The following NPAS3 variants were observed in gnomAD, a reference collection of about 807,000 sequenced individuals.
NPAS3 encodes the protein neuronal PAS domain-containing protein 3.
NPAS3 carries 14 observed loss-of-function variants against 73.1 expected under a neutral mutation model. That is an observed-to-expected ratio of 0.19 (90% CI 0.13 to 0.30). The LOEUF is 0.30. Ranked by LOEUF, NPAS3 falls within the 10% of genes least tolerant of loss-of-function variation. NPAS3 has a pLI of 1.00. For synonymous variants in NPAS3, 620 were observed against 541.5 expected (o/e 1.14, Z -2.01); for missense variants, 1,096 against 1,250.0 (o/e 0.88, Z 1.86).
Position 33,800,255 on chromosome 14 carries a change from A to G in NPAS3, c.1948A>G (p.Thr650Ala), listed in dbSNP as rs776577775. 1.2e-6 allele frequency: 2 copies of G among 1,613,318 alleles called. No individual in the cohort carries two copies. Among genetic ancestry groups the G allele is most frequent in the Non-Finnish European group, 8.5e-7 (1 of 1,179,668 alleles). The stretch of plus-strand genomic sequence containing the variant: ...CAGTGCCTCGGTGCTCAAGATCAAG[A>G]CGGAGATCTCAGAACCCATCAATTT... Residue 650 changes from threonine to alanine, a missense_variant, in exon 12 of 12, where the codon ACG becomes GCG. Physicochemically the swap from Thr to Ala is moderately conservative, Grantham distance 58. Coordinates refer to ENST00000356141, the Ensembl canonical transcript of NPAS3. This position sits in a 1 kb window ranked among gnomAD's most constrained non-coding sequence, Gnocchi z 6.5.
At chr14:33,745,410 G>A (rs2061762814) in intron 7 of NPAS3, among the ~76,000 whole-genome samples, 1 of 152,222 alleles carries the variant, frequency 6.6e-6, no homozygotes, top group Admixed American at 6.5e-5. Context: ...ACTTAGTCCT[G>A]CATTCCTGGG....
chr14:33,747,372 A>T (rs768946026), intron 7 of NPAS3, among the ~76,000 whole-genome samples: 4 of 152,226 alleles, frequency 2.6e-5, no homozygotes, highest in Non-Finnish European at 5.9e-5. Context: ...CTACTGACTC[A>T]TTCTAAGTAA....
chr14:33,416,522 AATTAAAACATAGAC>A (rs552562660), intron 4 of NPAS3, among the ~76,000 whole-genome samples: 276 of 152,148 alleles, frequency 1.8e-3, no homozygotes, highest in African/African-American at 6.4e-3. Flanking sequence ...GTCTTTGAAT[AATTAAAACATAGAC>A]ATTAAAACAT....
Position 33,800,464 on chromosome 14 carries a change from C to G in NPAS3, c.2157C>G (p.Pro719=), listed in dbSNP as rs747234419. ...TTCCCGACTCGGTCCTCACCCCGCC[C>G]GGCGCCGACGGCGCGGCCGCCCGCA... The change falls in exon 12 of 12, where the codon CCC becomes CCG. Residue 719 remains proline, a synonymous_variant. Transcript: ENST00000356141. This position sits in a 1 kb window ranked among gnomAD's most constrained non-coding sequence, Gnocchi z 6.5. 2.7e-6 allele frequency: 4 copies of G among 1,495,748 alleles called. No individual in the cohort carries two copies. The Admixed American group carries it at 7.6e-5, about 28-fold the overall frequency. 92.7% of individuals were successfully genotyped at this position (1,495,748 alleles called of 1,614,324 possible). A position where few individuals can be genotyped will look rare whatever the true frequency, so the allele number is the denominator to read the frequency against.
intron 6 of NPAS3, among the ~76,000 whole-genome samples, chr14:33,731,612 G>A (rs1361308617): frequency 6.6e-6 from 1 of 152,062 alleles, no homozygotes; most frequent in African/African-American, 2.4e-5. Flanking sequence ...ACCGCCTCCT[G>A]CCCCTACATA....
At chr14:33,441,429 G>A (rs2049243600) in intron 4 of NPAS3, among the ~76,000 whole-genome samples, 1 of 152,136 alleles carries the variant, frequency 6.6e-6, no homozygotes, top group African/African-American at 2.4e-5. Flanking sequence ...TAAAATTTCA[G>A]ATTATCCAGT....
chr14:33,139,814 A>C (rs1464034582), intron 2 of NPAS3, among the ~76,000 whole-genome samples: 1 of 152,214 alleles, frequency 6.6e-6, no homozygotes, highest in Non-Finnish European at 1.5e-5. Context: ...TGCAGATCGT[A>C]GAACACTTCC....
In NPAS3 at chr14:33,148,279, T is replaced by G. The variant is rs189521698; in HGVS notation, c.141-66903T>G. 2.0e-3 allele frequency among the ~76,000 whole-genome samples: 299 copies of G among 152,298 alleles called. 2 individuals are homozygous for G. The highest frequency in any genetic ancestry group is 6.7e-3 in the African/African-American group (280 of 41,552). On this transcript the variant is annotated intron_variant, in intron 2 of 11. Coordinates refer to ENST00000356141, the Ensembl canonical transcript of NPAS3. ...TTATCTCATTTCTGTTGCTTAGAAA[T>G]GTACTAAATTAACCCAAGGAACAAT...
At chr14:33,686,771 C>T (rs1021468099) in intron 6 of NPAS3, among the ~76,000 whole-genome samples, 13 of 152,082 alleles carry the variant, frequency 8.5e-5, no homozygotes, top group Admixed American at 3.3e-4. Flanking sequence ...CTAAATAGCC[C>T]ATCTAAAACA....
rs905978928 is a variant in NPAS3, at chr14:33,676,286, A to C, written c.634A>C (p.Met212Leu). 20 of 1,613,494 alleles carry C rather than the reference A, an allele frequency of 1.2e-5. No individual in the cohort carries two copies. In the Admixed American group the frequency reaches 2.8e-4, roughly 23 times the overall value. ...CGTGGAGATGGCTGAGCAGCTGGGC[A>C]TGAAGCTCCCCCCTGGGCGGGGTCT... Residue 212 changes from methionine to leucine, a missense_variant, in exon 6 of 12, where the codon ATG becomes CTG. Met to Leu is a conservative substitution (Grantham distance 15). Around this residue, in one of 5 missense-constraint regions of NPAS3, gnomAD observed 215 missense variants for 260.0 expected, o/e 0.83. Transcript: ENST00000356141.
intron 3 of NPAS3, among the ~76,000 whole-genome samples, chr14:33,284,988 G>A (rs768745122): frequency 3.3e-5 from 5 of 152,270 alleles, no homozygotes; most frequent in South Asian, 2.1e-4. Context: ...CTTTGGAAAC[G>A]TCCAAGGAGA....
intron 3 of NPAS3, among the ~76,000 whole-genome samples, chr14:33,285,172 C>T (rs2041823175): frequency 1.3e-5 from 2 of 152,086 alleles, no homozygotes; most frequent in Admixed American, 1.3e-4. Context: ...ATCTGATTAT[C>T]AGAAGTTGAA....
At chr14:33,688,608 C>T (rs2060152397) in intron 6 of NPAS3, among the ~76,000 whole-genome samples, 1 of 152,260 alleles carries the variant, frequency 6.6e-6, no homozygotes, top group Admixed American at 6.5e-5. Context: ...TCTCATCAGA[C>T]CTCAGGGTGT....
chr14:33,704,812 G>C (rs1205710207), intron 6 of NPAS3, among the ~76,000 whole-genome samples: 1 of 152,178 alleles, frequency 6.6e-6, no homozygotes, highest in Non-Finnish European at 1.5e-5. Context: ...ATGCATTTTT[G>C]AATGCTGCTT....
intron 3 of NPAS3, among the ~76,000 whole-genome samples, chr14:33,348,791 T>C (rs925740924): frequency 6.6e-6 from 1 of 152,142 alleles, no homozygotes; most frequent in Admixed American, 6.5e-5. Flanking sequence ...GGGGTTGTAA[T>C]CGTTTATTTA....
chr14:33,419,025 T>C (rs2048267248), intron 4 of NPAS3, among the ~76,000 whole-genome samples: 1 of 151,960 alleles, frequency 6.6e-6, no homozygotes, highest in African/African-American at 2.4e-5. Context: ...ACAAAATTAA[T>C]ATGTAGTGCT....
chr14:33,602,446 G>C (rs1205114559), intron 5 of NPAS3, among the ~76,000 whole-genome samples: 1 of 152,184 alleles, frequency 6.6e-6, no homozygotes, highest in African/African-American at 2.4e-5. Flanking sequence ...CTTGCTATCA[G>C]AGTTGCCAAG....
At chr14:33,511,221 C>T (rs1455757941) in intron 4 of NPAS3, among the ~76,000 whole-genome samples, 7 of 152,026 alleles carry the variant, frequency 4.6e-5, no homozygotes, top group East Asian at 1.9e-4. Context: ...TTTGCAGAAA[C>T]GCATCAGACT....
chr14:33,763,171 G>A lies in NPAS3; in HGVS notation c.853-11166G>A, dbSNP rs539302203. 2.0e-5 allele frequency among the ~76,000 whole-genome samples: 3 copies of A among 152,320 alleles called. No homozygotes were observed. The South Asian group carries it at 6.2e-4, about 32-fold the overall frequency. On this transcript the variant is annotated intron_variant, in intron 7 of 11. Coordinates refer to ENST00000356141, the Ensembl canonical transcript of NPAS3. ...CCATGGCCCCCTCCAGCTCCAGCTT[G>A]CTTGAGGTCTTTCTGGGATGCTGAA...
Sources: allele counts gnomAD v4.1 joint callset (sites outside exome capture counted in the v4.1 genomes callset), GRCh38; gene constraint gnomAD v4.1.1; regional missense constraint gnomAD v4.1.1; non-coding constraint Gnocchi (gnomAD v3.1); transcripts MANE v1.5; gene names NCBI Gene and HGNC (gene_info 2026-07-23, HGNC 2026-07-21).